Variants in SSX1 observed in about 807,000 individuals in gnomAD.
SSX1 encodes SSX family member 1, also known as protein SSX1.
SSX1 carries 58 observed loss-of-function variants against 14.6 expected under a neutral mutation model. That is an observed-to-expected ratio of 3.96 (90% CI 3.21 to 4.93). The LOEUF (loss-of-function observed/expected upper bound fraction) is 4.93. Among genes scored for constraint, SSX1 ranks in the 30% most tolerant of loss-of-function variants. SSX1 has a pLI of 0.00. For synonymous variants in SSX1, 46 were observed against 52.1 expected (o/e 0.88, Z 0.50); for missense variants, 272 against 143.1 (o/e 1.90, Z -4.60).
At position 48,267,395 on chromosome X, in the gene SSX1, C is replaced by T. The variant is rs140600323; in HGVS notation, c.*546C>T. On this transcript the variant is annotated 3_prime_UTR_variant, in exon 8 of 8. Transcript: ENST00000376919. Reference sequence around the variant, plus strand: ...CTGTTCAGCATGTACTCCCCTCATCCGATTCCCCTGTATCAGTCACTGACA... The same window carrying T: ...CTGTTCAGCATGTACTCCCCTCATCTGATTCCCCTGTATCAGTCACTGACA... 8.6e-4 allele frequency: 146 copies of T among 169,648 alleles called. No individual in the cohort carries two copies. Among genetic ancestry groups the T allele is most frequent in the African/African-American group, 3.2e-3 (104 of 32,867 alleles). The allele number at this position is 169,648 out of a possible 1,213,427, so 14.0% of individuals were successfully genotyped here.
At position 48,263,777 on chromosome X, in the gene SSX1, T is replaced by G. The variant is rs781854535; in HGVS notation, c.331-5T>G. On this transcript the variant is annotated splice_region_variant and splice_polypyrimidine_tract_variant and intron_variant, in intron 5 of 7. Transcript: ENST00000376919. ...CTGTTTATCTGTAACCTTCACATTA[T>G]AAAGATCATGCCCAAGAAGCCAGCA... The G allele has an allele frequency of 1.7e-6, 2 of 1,211,161 alleles. No homozygotes were observed. Among genetic ancestry groups the G allele is most frequent in the Non-Finnish European group, 2.2e-6 (2 of 895,148 alleles).
At chrX:48,258,397 T>C in intron 3 of SSX1, 139 bp from the exon 4 acceptor site, 1 of 516,605 alleles carries the variant, frequency 1.9e-6, no homozygotes. Flanking sequence ...TCTCTCTATG[T>C]TACACAGGCT....
Position 48,267,045 on chromosome X carries a change from T to C in SSX1, c.*196T>C. ...TGTTAGTGTTTCCATTGTATTTTCT[T>C]ACAGTGTGCCATTCTGTTAGATACT... On this transcript the variant is annotated 3_prime_UTR_variant, in exon 8 of 8. Coordinates refer to ENST00000376919, the MANE Select transcript of SSX1 (RefSeq NM_005635.4). 1 of 490,219 alleles carries C rather than the reference T, an allele frequency of 2.0e-6. No individual in the cohort carries two copies. The highest frequency in any genetic ancestry group is 3.5e-6 in the Non-Finnish European group (1 of 283,267). 40.4% of individuals were successfully genotyped at this position (490,219 alleles called of 1,213,427 possible).
chrX:48,266,295 AG>A lies in SSX1; in HGVS notation c.480del (p.Lys161AsnfsTer15), dbSNP rs782049650. On this transcript the variant is annotated frameshift_variant, in exon 7 of 8. Coordinates refer to ENST00000376919, the MANE Select transcript of SSX1 (RefSeq NM_005635.4). LOFTEE classifies it high-confidence loss of function. Reference sequence around the variant, plus strand: ...ACTCTTCTCCATCATAGGACCCAAAAGGGGGAAACATGCCTGGACCCACAGA... The same window carrying A: ...ACTCTTCTCCATCATAGGACCCAAAAGGGGAAACATGCCTGGACCCACAGA... ...EKINKRSGPK[R>X]GKHAWTHRLR... 4 of 1,209,835 alleles carry A rather than the reference AG, an allele frequency of 3.3e-6. No individual in the cohort carries two copies. Among genetic ancestry groups the A allele is most frequent in the Non-Finnish European group, 4.5e-6 (4 of 895,277 alleles).
At chrX:48,265,705 C>A (rs1180115098) in intron 6 of SSX1, among the ~76,000 whole-genome samples, 2 of 111,655 alleles carry the variant, frequency 1.8e-5, no homozygotes, top group Admixed American at 1.9e-4. Context: ...ACCCTATTTT[C>A]CATGATGTGA....
intron 6 of SSX1, among the ~76,000 whole-genome samples, chrX:48,264,134 A>C (rs55740094): frequency 0.39 from 42,703 of 110,895 alleles, 6,245 homozygotes; most frequent in Non-Finnish European, 0.46. Context: ...AAGTCTTCCA[A>C]ATTTTCTCAG....
intron 1 of SSX1, 138 bp from the exon 2 acceptor site, chrX:48,257,084 C>A: frequency 1.9e-6 from 1 of 516,266 alleles, no homozygotes; most frequent in Non-Finnish European, 3.3e-6. Context: ...ATGTCCTTAC[C>A]CATGGACAGG....
At chrX:48,255,639 T>G (rs1298201235) in intron 1 of SSX1, among the ~76,000 whole-genome samples, 2 of 106,936 alleles carry the variant, frequency 1.9e-5, no homozygotes, top group African/African-American at 6.8e-5. Flanking sequence ...CTGTTTTTTT[T>G]TTTTTTTTTT....
At chrX:48,266,716 C>A in intron 7 of SSX1, 138 bp from the exon 8 acceptor site, 1 of 510,977 alleles carries the variant, frequency 2.0e-6, no homozygotes, top group Non-Finnish European at 3.3e-6. Context: ...CTTCGAGGAA[C>A]CATGGAAGGC....
chrX:48,266,804 G>A, intron 7 of SSX1, 50 bp from the exon 8 acceptor site: 1 of 794,922 alleles, frequency 1.3e-6, no homozygotes, highest in Non-Finnish European at 1.9e-6. Flanking sequence ...TGAGTTATTG[G>A]GCAGTGGGAA....
Position 48,257,735 on chromosome X carries a change from A to AT in SSX1, c.70-3dup, listed in dbSNP as rs782294191. Reference sequence around the variant, plus strand: ...CTGAGTCACTGACAAATTTTATTTTATTTTTTTTAGGCCTTTGATGATATT... The same window carrying AT: ...CTGAGTCACTGACAAATTTTATTTTATTTTTTTTTAGGCCTTTGATGATATT... On this transcript the variant is annotated splice_polypyrimidine_tract_variant and intron_variant, in intron 2 of 7. Transcript: ENST00000376919. The AT allele has an allele frequency of 9.2e-6, 11 of 1,190,021 alleles. No individual in the cohort carries two copies. Among genetic ancestry groups the AT allele is most frequent in the Non-Finnish European group, 1.3e-5 (11 of 879,735 alleles).
chrX:48,266,205 GGC>G (rs2059622579), intron 6 of SSX1, 80 bp from the exon 7 acceptor site: 1 of 1,200,065 alleles, frequency 8.3e-7, no homozygotes, highest in Admixed American at 2.2e-5. Context: ...GGAGGGAGGA[GGC>G]ATCTCCTTTT....
At position 48,257,369 on chromosome X, in the gene SSX1, T is replaced by C. The variant is rs1190817055; in HGVS notation, c.69+59T>C. 2.5e-6 allele frequency: 3 copies of C among 1,189,711 alleles called. No individual in the cohort carries two copies. The African/African-American group carries it at 5.4e-5, about 21-fold the overall frequency. On this transcript the variant is annotated intron_variant, in intron 2 of 7. Coordinates refer to ENST00000376919, the MANE Select transcript of SSX1 (RefSeq NM_005635.4). Reference sequence around the variant, plus strand: ...CAGGGGACAGAGTAGGGTGACCAGGTTTCTGAGGAGGGGAGGACAGAGGTA... The same window carrying C: ...CAGGGGACAGAGTAGGGTGACCAGGCTTCTGAGGAGGGGAGGACAGAGGTA...
chrX:48,264,947 G>A (rs2059618200), intron 6 of SSX1, among the ~76,000 whole-genome samples: 1 of 112,249 alleles, frequency 8.9e-6, no homozygotes, highest in Admixed American at 9.5e-5. Flanking sequence ...TTTATGTTAT[G>A]GGGACAGCTT....
chrX:48,260,625 A>C (rs1431451182), intron 4 of SSX1, among the ~76,000 whole-genome samples: 11 of 111,630 alleles, frequency 9.9e-5, no homozygotes, highest in African/African-American at 3.6e-4. Flanking sequence ...CCATTGTCTC[A>C]GCCCAAAATC....
chrX:48,263,119 C>T (rs1556935786), intron 5 of SSX1, among the ~76,000 whole-genome samples: 1 of 106,564 alleles, frequency 9.4e-6, no homozygotes, highest in African/African-American at 3.4e-5. Context: ...GGTGACAGAG[C>T]GAGACTTTGT....
At chrX:48,259,452 CTGTT>C (rs1395826959) in intron 4 of SSX1, among the ~76,000 whole-genome samples, 3 of 77,060 alleles carry the variant, frequency 3.9e-5, no homozygotes, top group Non-Finnish European at 8.8e-5. Context: ...TTGCTAAACA[CTGTT>C]TTTTTTTATT....
At chrX:48,257,967 T>A (rs2059589240) in intron 3 of SSX1, 107 bp downstream of exon 3, 1 of 558,582 alleles carries the variant, frequency 1.8e-6, no homozygotes, top group Non-Finnish European at 2.8e-6. Flanking sequence ...TTTCCTTTTG[T>A]GCAGGGAAAA....
intron 7 of SSX1, among the ~76,000 whole-genome samples, 162 bp from the exon 8 acceptor site, chrX:48,266,692 G>T (rs2059625187): frequency 9.0e-6 from 1 of 111,707 alleles, no homozygotes; most frequent in Admixed American, 9.6e-5. Flanking sequence ...ACTGTGGCAT[G>T]AGCAGATGGT....
Sources: allele counts gnomAD v4.1 joint callset (sites outside exome capture counted in the v4.1 genomes callset), GRCh38; gene constraint gnomAD v4.1.1; transcripts MANE v1.5; gene names NCBI Gene and HGNC (gene_info 2026-07-23, HGNC 2026-07-21).